Variants in MSR1 observed in about 807,000 individuals in gnomAD.
MSR1 encodes macrophage scavenger receptor types I and II.
In MSR1, 53 loss-of-function variants were observed where a neutral mutation model predicts 47.2. The ratio of observed to expected loss-of-function variants is 1.12; its 90% CI spans 0.90 to 1.41. MSR1 has a LOEUF of 1.41. Ranked by LOEUF, MSR1 falls within the 40% of genes most tolerant of loss-of-function variation. MSR1 has a pLI of 0.00. For missense variants in MSR1, 786 were observed against 546.9 expected (o/e 1.44, Z -4.36); for synonymous variants, 239 against 185.6 (o/e 1.29, Z -2.34).
rs1395772296 is a variant in MSR1 at position 16,109,986 on chromosome 8, T to G, written c.*99A>C. On this transcript the variant is annotated 3_prime_UTR_variant, in exon 10 of 10. Transcript: ENST00000262101. ...CTAAAATATTATTTGGGCAATATTC[T>G]TAATCTCTTAAATATTGATTAAATG... is the stretch of plus-strand genomic sequence containing the variant. 5 of 1,429,478 alleles carry G rather than the reference T, an allele frequency of 3.5e-6. No homozygotes were observed. Among genetic ancestry groups the G allele is most frequent in the Non-Finnish European group, 3.9e-6 (4 of 1,025,522 alleles). 88.5% of individuals were successfully genotyped at this position (1,429,478 alleles called of 1,614,324 possible).
chr8:16,127,688 T>TAAAGAG (rs1800160397), intron 8 of MSR1, among the ~76,000 whole-genome samples: 1 of 152,142 alleles, frequency 6.6e-6, no homozygotes. Flanking sequence ...ATAACATATC[T>TAAAGAG]AAAGAGAAAG....
intron 1 of MSR1, chr8:16,186,273 G>A: frequency 7.3e-7 from 1 of 1,363,316 alleles, no homozygotes; most frequent in Non-Finnish European, 1.0e-6. Flanking sequence ...ACAGCAGAGT[G>A]AGCCAGGGTC....
At chr8:16,123,565 G>T (rs1160290963) in intron 8 of MSR1, among the ~76,000 whole-genome samples, 2 of 120,638 alleles carry the variant, frequency 1.7e-5, no homozygotes, top group African/African-American at 5.9e-5. Flanking sequence ...TGTATATAAA[G>T]ATTTCAGAAG....
Position 16,168,475 on chromosome 8 carries a change from T to C in MSR1, c.613A>G (p.Thr205Ala), listed in dbSNP as rs1414496227. 1.2e-6 allele frequency: 2 copies of C among 1,614,032 alleles called. No homozygotes were observed. Among genetic ancestry groups the C allele is most frequent in the African/African-American group, 2.7e-5 (2 of 74,928 alleles). The change falls in exon 4 of 10, where the codon ACC becomes GCC. Residue 205 changes from threonine (T) to alanine (A), a missense_variant. Coordinates refer to ENST00000262101, the MANE Select transcript of MSR1 (RefSeq NM_138715.3). ...ACTCTTACCTCTTGTTGTTTGAAGG[T>C]ATTCTCTTGGATTTTGCCATTCAGA... is the stretch of plus-strand genomic sequence containing the variant. ...ENLNGKIQEN[T>A]FKQQEEISKL...
intron 3 of MSR1, 74 bp downstream of exon 3, chr8:16,175,113 T>C: frequency 8.5e-7 from 1 of 1,173,058 alleles, no homozygotes; most frequent in Admixed American, 1.7e-5. Flanking sequence ...AAAGACTGAA[T>C]GCTTCTTTTT....
At chr8:16,139,155 T>C (rs1037585048) in intron 8 of MSR1, among the ~76,000 whole-genome samples, 7 of 152,206 alleles carry the variant, frequency 4.6e-5, no homozygotes, top group African/African-American at 1.7e-4. Flanking sequence ...ATATAAAATC[T>C]TTTCTTTTTC....
intron 8 of MSR1, among the ~76,000 whole-genome samples, chr8:16,129,541 T>C (rs1262842472): frequency 1.3e-5 from 2 of 152,020 alleles, no homozygotes; most frequent in Admixed American, 6.6e-5. Flanking sequence ...AGTTTAGCAG[T>C]TAGAGACCAG....
chr8:16,126,603 A>G (rs1800134437), intron 8 of MSR1, among the ~76,000 whole-genome samples: 1 of 152,212 alleles, frequency 6.6e-6, no homozygotes, highest in African/African-American at 2.4e-5. Context: ...CCCAAATATC[A>G]GATACCTGAA....
At chr8:16,179,849 C>G (rs1021297335) in intron 1 of MSR1, among the ~76,000 whole-genome samples, 4 of 146,600 alleles carry the variant, frequency 2.7e-5, no homozygotes, top group African/African-American at 5.1e-5. Context: ...TGAACTCTAG[C>G]CCGGGCAAGA....
chr8:16,160,515 C>T (rs1394375322), intron 5 of MSR1, among the ~76,000 whole-genome samples: 1 of 152,016 alleles, frequency 6.6e-6, no homozygotes, highest in African/African-American at 2.4e-5. Flanking sequence ...ACAGAGCTCA[C>T]ATTCTGCTGG....
rs1650707261 is a variant in MSR1 at position 16,144,163 on chromosome 8, A to C, written c.980-552T>G. ...GTTTTGAGAAACCTCACCCATTTAT[A>C]CAGGGGTGTGGTACAAATATTTCAT... On this transcript the variant is annotated intron_variant, in intron 7 of 9. Coordinates refer to ENST00000262101, the MANE Select transcript of MSR1 (RefSeq NM_138715.3). Among the ~76,000 whole-genome samples the C allele has an allele frequency of 1.3e-5, 2 of 152,080 alleles. 1 individual carries two copies. Among genetic ancestry groups the C allele is most frequent in the Non-Finnish European group, 2.9e-5 (2 of 67,994 alleles).
chr8:16,140,873 C>A (rs1028998356), intron 8 of MSR1: 2 of 1,598,972 alleles, frequency 1.3e-6, no homozygotes, highest in Admixed American at 3.4e-5. Flanking sequence ...AGGTACAACA[C>A]GGGAACCAAA....
chr8:16,155,009 G>C, intron 6 of MSR1, 55 bp downstream of exon 6: 1 of 1,414,872 alleles, frequency 7.1e-7, no homozygotes, highest in Non-Finnish European at 1.0e-6. Flanking sequence ...ACATGTACCT[G>C]GATGTATATC....
intron 8 of MSR1, among the ~76,000 whole-genome samples, chr8:16,134,826 C>T (rs988517152): frequency 7.2e-5 from 11 of 152,052 alleles, no homozygotes; most frequent in Admixed American, 4.6e-4. Context: ...GAAAACAAAC[C>T]ACCTTATTGC....
intron 5 of MSR1, among the ~76,000 whole-genome samples, chr8:16,158,638 T>C (rs994758886): frequency 5.3e-5 from 8 of 152,088 alleles, no homozygotes; most frequent in East Asian, 1.9e-4. Context: ...CTTTTTTTTT[T>C]CTCTAGTTTT....
chr8:16,112,071 A>G (rs12675698), intron 9 of MSR1, among the ~76,000 whole-genome samples: 16,305 of 152,148 alleles, frequency 0.11, 1,063 homozygotes, highest in South Asian at 0.2. Flanking sequence ...GATCACATAT[A>G]CAATCATGCC....
At chr8:16,123,505 A>G (rs35647657) in intron 8 of MSR1, among the ~76,000 whole-genome samples, 13,696 of 139,620 alleles carry the variant, frequency 0.098, 736 homozygotes, top group African/African-American at 0.12. Flanking sequence ...ACAAGCTAAT[A>G]TATTTAGTCA....
intron 3 of MSR1, among the ~76,000 whole-genome samples, chr8:16,172,912 C>G (rs1801528150): frequency 6.6e-6 from 1 of 152,048 alleles, no homozygotes; most frequent in South Asian, 2.1e-4. Flanking sequence ...GGGATATATT[C>G]TGTCTACATT....
intron 2 of MSR1, among the ~76,000 whole-genome samples, chr8:16,176,332 C>T (rs757351183): frequency 2.0e-5 from 3 of 151,874 alleles, no homozygotes; most frequent in Non-Finnish European, 2.9e-5. Context: ...CATGGAGAAA[C>T]CCTGGCTCTA....
Sources: gnomAD v4.1 joint callset for allele counts (sites outside exome capture counted in the v4.1 genomes callset) on GRCh38, gnomAD v4.1.1 for gene constraint, MANE v1.5 for transcripts, NCBI Gene and HGNC (gene_info 2026-07-23, HGNC 2026-07-21) for gene names.